ST6GAL1: variants seen among roughly 807,000 people sequenced by gnomAD.
ST6GAL1 encodes the protein beta-galactoside alpha-2,6-sialyltransferase 1.
ST6GAL1 carries 20 observed loss-of-function variants against 38.0 expected under a neutral mutation model. The ratio of observed to expected loss-of-function variants is 0.53; its 90% CI spans 0.37 to 0.77. The LOEUF (loss-of-function observed/expected upper bound fraction) is 0.77, where lower values mean the gene tolerates loss of function less well. ST6GAL1 is among the 30% of genes least tolerant of loss of function. ST6GAL1 has a pLI of 0.00. For synonymous variants in ST6GAL1, 196 were observed against 188.2 expected, an observed-to-expected ratio of 1.04 and a Z score of -0.34; for missense variants, 432 against 496.4, an observed-to-expected ratio of 0.87 and a Z score of 1.23.
intron 4 of ST6GAL1, among the ~76,000 whole-genome samples, chr3:187,045,063 G>A (rs180746643): frequency 1.4e-3 from 213 of 152,302 alleles, no homozygotes; most frequent in African/African-American, 5.0e-3. Context: ...GTTGAAGCCC[G>A]AGTTGCAGGC....
At chr3:186,996,017 C>T (rs1271260559) in intron 2 of ST6GAL1, among the ~76,000 whole-genome samples, 2 of 152,122 alleles carry the variant, frequency 1.3e-5, no homozygotes, top group African/African-American at 4.8e-5. Flanking sequence ...TTACTCCCAT[C>T]GCATGTACCA....
At chr3:187,036,834 T>C (rs1336467222) in intron 2 of ST6GAL1, among the ~76,000 whole-genome samples, 1 of 152,200 alleles carries the variant, frequency 6.6e-6, no homozygotes, top group Non-Finnish European at 1.5e-5. Flanking sequence ...AGCCTCAGCA[T>C]TGTGCAATAT....
rs78494287 is a variant in ST6GAL1 at position 187,074,698 on chromosome 3, A to C, written c.979+365A>C. Among the ~76,000 whole-genome samples, 1,475 of 152,128 alleles carry C rather than the reference A, an allele frequency of 9.7e-3. 20 individuals are homozygous for C. Among genetic ancestry groups the C allele is most frequent in the African/African-American group, 0.032 (1,330 of 41,492 alleles). On this transcript the variant is annotated intron_variant, in intron 7 of 7. Coordinates refer to ENST00000169298, the MANE Select transcript of ST6GAL1 (RefSeq NM_173216.2). ...CTTTGGAGAGGGGAGAATTTGGCAG[A>C]GGAAGATGGAGGGAAGGGAAGCTAT... is the stretch of plus-strand genomic sequence containing the variant.
At chr3:187,070,812 C>T (rs1719343808) in intron 5 of ST6GAL1, among the ~76,000 whole-genome samples, 1 of 152,194 alleles carries the variant, frequency 6.6e-6, no homozygotes, top group Non-Finnish European at 1.5e-5. Flanking sequence ...GTCCACCTTT[C>T]CCACTACCCT....
chr3:187,072,890 CA>C lies in ST6GAL1; in HGVS notation c.749del (p.Asn250MetfsTer5). On this transcript the variant is annotated frameshift_variant, in exon 6 of 8. Coordinates refer to ENST00000169298, the MANE Select transcript of ST6GAL1 (RefSeq NM_173216.2). LOFTEE classifies it high-confidence loss of function. Reference sequence around the variant, plus strand: ...AGCGCTTCCTCAAAGACAGTTTGTACAATGAAGGAATCCTAATTGTATGGGA... The same window carrying C: ...AGCGCTTCCTCAAAGACAGTTTGTACATGAAGGAATCCTAATTGTATGGGA... ...EKRFLKDSLY[N>X]EGILIVWDPS... is the part of the protein sequence containing the mutation. 6.2e-7 allele frequency: 1 copy of C among 1,614,014 alleles called. No individual in the cohort carries two copies. The highest frequency in any genetic ancestry group is 8.5e-7 in the Non-Finnish European group (1 of 1,179,928).
At chr3:187,026,677 G>A (rs921972345) in intron 2 of ST6GAL1, among the ~76,000 whole-genome samples, 8 of 152,168 alleles carry the variant, frequency 5.3e-5, no homozygotes, top group Non-Finnish European at 1.0e-4. Flanking sequence ...CAAAGCCAAG[G>A]CTTCTCAAAC....
intron 1 of ST6GAL1, among the ~76,000 whole-genome samples, chr3:186,934,376 C>T (rs1231155739): frequency 5.3e-5 from 8 of 151,994 alleles, no homozygotes; most frequent in African/African-American, 1.9e-4. Flanking sequence ...AGACTACCTC[C>T]CCCACCGCCA....
intron 2 of ST6GAL1, among the ~76,000 whole-genome samples, chr3:186,968,659 T>TA (rs2108529984): frequency 7.6e-6 from 1 of 131,288 alleles, no homozygotes; most frequent in Admixed American, 7.8e-5. Flanking sequence ...TCATTCAGCG[T>TA]AATTATTTTG....
At chr3:187,044,600 G>C (rs1049948844) in intron 4 of ST6GAL1, among the ~76,000 whole-genome samples, 1 of 152,168 alleles carries the variant, frequency 6.6e-6, no homozygotes, top group African/African-American at 2.4e-5. Context: ...ATGGAGCTAA[G>C]TTTCTTTCTT....
chr3:187,058,619 T>A (rs1283129180), intron 5 of ST6GAL1, among the ~76,000 whole-genome samples: 1 of 133,310 alleles, frequency 7.5e-6, no homozygotes, highest in East Asian at 2.1e-4. Context: ...ATATTTTGGC[T>A]TTTGGTATTA....
chr3:187,052,518 A>C (rs1467105731), intron 5 of ST6GAL1, among the ~76,000 whole-genome samples: 2 of 151,512 alleles, frequency 1.3e-5, no homozygotes, highest in African/African-American at 2.4e-5. Flanking sequence ...TCATTGTTCA[A>C]CTCCCACCTG....
At chr3:187,045,357 C>G (rs57679165) in intron 4 of ST6GAL1, among the ~76,000 whole-genome samples, 28,197 of 151,854 alleles carry the variant, frequency 0.19, 2,746 homozygotes, top group Admixed American at 0.22. Context: ...CTGCCTCCAG[C>G]AGTCTCACAA....
At position 187,074,182 on chromosome 3, in the gene ST6GAL1, T is replaced by C; in HGVS notation, c.828T>C (p.Asn276=). Residue 276 remains asparagine (N), a synonymous_variant, in exon 7 of 8, where the codon AAT becomes AAC. Coordinates refer to ENST00000169298, the MANE Select transcript of ST6GAL1 (RefSeq NM_173216.2). ...AGTGGTACCAGAATCCGGATTATAA[T>C]TTCTTTAACAACTACAAGACTTATC... The part of the protein sequence containing the change: ...IPKWYQNPDY[N]FFNNYKTYRK... The C allele has an allele frequency of 6.2e-7, 1 of 1,607,628 alleles. No individual in the cohort carries two copies. Among genetic ancestry groups the C allele is most frequent in the African/African-American group, 1.3e-5 (1 of 74,788 alleles).
intron 2 of ST6GAL1, among the ~76,000 whole-genome samples, chr3:187,005,659 A>T (rs1239221201): frequency 6.6e-6 from 1 of 152,152 alleles, no homozygotes; most frequent in African/African-American, 2.4e-5. Flanking sequence ...GTGGATTCTG[A>T]TATTTTAAAA....
At chr3:186,987,193 AG>A (rs1553821960) in intron 2 of ST6GAL1, among the ~76,000 whole-genome samples, 1 of 81,036 alleles carries the variant, frequency 1.2e-5, no homozygotes, top group Non-Finnish European at 2.2e-5. Flanking sequence ...GGAGGGAGGG[AG>A]GGAGGGAAGG....
chr3:186,966,092 G>A (rs1029953203), intron 2 of ST6GAL1, among the ~76,000 whole-genome samples: 3 of 152,116 alleles, frequency 2.0e-5, no homozygotes, highest in Admixed American at 2.0e-4. Context: ...TAGAGACGGG[G>A]TTTTACCATG....
rs139056568 is a variant in ST6GAL1 at position 186,936,033 on chromosome 3, T to C, written c.-325+5199T>C. On this transcript the variant is annotated intron_variant, in intron 1 of 7. Coordinates refer to ENST00000169298, the MANE Select transcript of ST6GAL1 (RefSeq NM_173216.2). ...GCTTAGCCTGGGATTACAAAGAGCA[T>C]GGAGACCCACCCATTCTTTGTCCGA... Among the ~76,000 whole-genome samples the C allele has an allele frequency of 2.6e-4, 40 of 152,328 alleles. 1 individual carries two copies. In the East Asian group the frequency reaches 7.5e-3, roughly 29 times the overall value.
chr3:187,025,797 C>CCGCA lies in ST6GAL1; in HGVS notation c.-182-12944_-182-12941dup, dbSNP rs548876302. ...CCGAGTGGTTGGCTCTGGTCAGGGA[C>CCGCA]CGCAGCCTGACCTCATGGTGGGGAC... On this transcript the variant is annotated intron_variant, in intron 2 of 7. Transcript: ENST00000169298. 3.3e-5 allele frequency among the ~76,000 whole-genome samples: 5 copies of CCGCA among 152,212 alleles called. No individual in the cohort carries two copies. In the South Asian group the frequency reaches 1.0e-3, roughly 32 times the overall value.
At chr3:187,002,392 A>G (rs892580658) in intron 2 of ST6GAL1, among the ~76,000 whole-genome samples, 2 of 152,260 alleles carry the variant, frequency 1.3e-5, no homozygotes, top group Non-Finnish European at 2.9e-5. Context: ...GGAAATGCAA[A>G]GAAATGACCC....
Sources: gnomAD v4.1 joint callset for allele counts (sites outside exome capture counted in the v4.1 genomes callset) on GRCh38, gnomAD v4.1.1 for gene constraint, MANE v1.5 for transcripts, NCBI Gene and HGNC (gene_info 2026-07-23, HGNC 2026-07-21) for gene names.